Variants in ADRA1D observed in about 807,000 individuals in gnomAD.
The protein encoded by ADRA1D is adrenoceptor alpha 1D.
Under a neutral mutation model 18.6 loss-of-function variants are expected in ADRA1D, and 22 were observed. The ratio of observed to expected loss-of-function variants is 1.19; its 90% CI spans 0.85 to 1.69. The LOEUF (loss-of-function observed/expected upper bound fraction) is 1.69, where lower values mean the gene tolerates loss of function less well. Among genes scored for constraint, ADRA1D ranks in the 40% most tolerant of loss-of-function variants. The probability of loss-of-function intolerance (pLI) is 0.00; values close to 1 mark genes in which losing one functional copy is unlikely to be tolerated. For missense variants in ADRA1D, 840 were observed against 840.7 expected (o/e 1.00, Z 0.01); for synonymous variants, 376 against 388.2 (o/e 0.97, Z 0.37).
chr20:4,224,625 GCTGCAGGTGCCTGT>G (rs1478593062), intron 1 of ADRA1D, among the ~76,000 whole-genome samples: 8 of 146,772 alleles, frequency 5.5e-5, no homozygotes, highest in Non-Finnish European at 8.8e-5. Context: ...CTGGATAGAG[GCTGCAGGTGCCTGT>G]GAGACCAAGC....
Position 4,248,381 on chromosome 20 carries a change from C to T in ADRA1D, c.577G>A (p.Asp193Asn), listed in dbSNP as rs1177528594. 6.2e-7 allele frequency: 1 copy of T among 1,609,540 alleles called. No individual in the cohort carries two copies. The highest frequency in any genetic ancestry group is 8.5e-7 in the Non-Finnish European group (1 of 1,178,094). Residue 193 changes from aspartate to asparagine, a missense_variant, in exon 1 of 2, where the codon GAC becomes AAC. Transcript: ENST00000379453. ...GAGTGGCGCACGCCCACGTACCGGTCCACGGAGATGGTGCAGAGGCTGAGG... is the reference window on the plus strand; with the variant it reads ...GAGTGGCGCACGCCCACGTACCGGTTCACGGAGATGGTGCAGAGGCTGAGG... ...SILSLCTISVDRYVGVRHSLK... is the reference protein window; with the variant it reads ...SILSLCTISVNRYVGVRHSLK...
At chr20:4,243,935 T>A (rs1981276114) in intron 1 of ADRA1D, among the ~76,000 whole-genome samples, 1 of 152,206 alleles carries the variant, frequency 6.6e-6, no homozygotes, top group South Asian at 2.1e-4. Context: ...TGGGATTCTC[T>A]GGATTTTAGG....
In ADRA1D at chr20:4,221,628, C is replaced by T. The variant is rs757188414; in HGVS notation, c.1614G>A (p.Glu538=). 3.2e-5 allele frequency: 51 copies of T among 1,613,190 alleles called. No homozygotes were observed. The Middle Eastern group carries it at 5.0e-4, about 16-fold the overall frequency. ...GGACGCCTAGGGACACAGCCTCCAC[C>T]TCTGAGCGCTGGGCGCACGCTGCCT... ...RAEAACAQRS[E]VEAVSLGVPH... Residue 538 remains glutamate (E), a synonymous_variant, in exon 2 of 2, where the codon GAG becomes GAA. Transcript: ENST00000379453.
Position 4,238,969 on chromosome 20 carries a change from G to A in ADRA1D, c.1111+8878C>T, listed in dbSNP as rs184434242. On this transcript the variant is annotated intron_variant, in intron 1 of 1. Transcript: ENST00000379453. ...ACAAGGTGAGGGCAGGGAGGTGAAG[G>A]CTTGGTCAAGGCTGGGGTTGATGAG... Among the ~76,000 whole-genome samples, 165 of 152,144 alleles carry A rather than the reference G, an allele frequency of 1.1e-3. 1 individual carries two copies. Among genetic ancestry groups the A allele is most frequent in the African/African-American group, 3.8e-3 (158 of 41,504 alleles).
Position 4,248,978 on chromosome 20 carries a change from G to A in ADRA1D, c.-21C>T, listed in dbSNP as rs1445864376. 7.5e-7 allele frequency: 1 copy of A among 1,326,378 alleles called. No homozygotes were observed. The allele number at this position is 1,326,378 out of a possible 1,614,324, so 82.2% of individuals were successfully genotyped here. Reference sequence around the variant, plus strand: ...GTCATCTCAACGCGCGGCCGTCGGTGGCCGGGCCGGGGCACAGAACGAGCG... The same window carrying A: ...GTCATCTCAACGCGCGGCCGTCGGTAGCCGGGCCGGGGCACAGAACGAGCG... On this transcript the variant is annotated 5_prime_UTR_variant, in exon 1 of 2. Transcript: ENST00000379453.
intron 1 of ADRA1D, 57 bp downstream of exon 1, chr20:4,247,790 G>A: frequency 7.7e-6 from 11 of 1,429,418 alleles, no homozygotes; most frequent in Non-Finnish European, 1.0e-5. Context: ...GTGCCAGGAG[G>A]GCACCGCCAT....
At chr20:4,246,445 G>T (rs914782318) in intron 1 of ADRA1D, among the ~76,000 whole-genome samples, 9 of 152,224 alleles carry the variant, frequency 5.9e-5, no homozygotes, top group African/African-American at 2.2e-4. Context: ...GGACAGCGAA[G>T]TCGGAGAGAA....
chr20:4,228,366 A>G (rs1488822405), intron 1 of ADRA1D, among the ~76,000 whole-genome samples: 1 of 152,196 alleles, frequency 6.6e-6, no homozygotes, highest in Non-Finnish European at 1.5e-5. Context: ...TCTTTACTGC[A>G]TCGCAGGTAG....
intron 1 of ADRA1D, among the ~76,000 whole-genome samples, chr20:4,237,830 A>T (rs1421866496): frequency 7.4e-6 from 1 of 135,584 alleles, no homozygotes; most frequent in Non-Finnish European, 1.6e-5. Context: ...TTCCTGGCTA[A>T]TTTTTGTATT....
At chr20:4,241,696 C>T (rs547236862) in intron 1 of ADRA1D, among the ~76,000 whole-genome samples, 1 of 152,270 alleles carries the variant, frequency 6.6e-6, no homozygotes, top group Admixed American at 6.5e-5. Context: ...CTTGCCTCTC[C>T]CCTTCATCCA....
In ADRA1D at chr20:4,220,743, G is replaced by C. The variant is rs1980638730; in HGVS notation, c.*780C>G. The C allele has an allele frequency of 6.6e-6, 1 of 152,506 alleles. No individual in the cohort carries two copies. The highest frequency in any genetic ancestry group is 1.5e-5 in the Non-Finnish European group (1 of 68,042). 9.4% of individuals were successfully genotyped at this position (152,506 alleles called of 1,614,324 possible). A position where few individuals can be genotyped will look rare whatever the true frequency, so the allele number is the denominator to read the frequency against. On this transcript the variant is annotated 3_prime_UTR_variant, in exon 2 of 2. Transcript: ENST00000379453. Reference sequence around the variant, plus strand: ...GGGCTAAAGAGGGACAGTTTGCACAGCTTGGACAAAATAGAAGTACTCTTA... The same window carrying C: ...GGGCTAAAGAGGGACAGTTTGCACACCTTGGACAAAATAGAAGTACTCTTA...
In ADRA1D at chr20:4,222,053, C is replaced by T. The variant is rs761832897; in HGVS notation, c.1189G>A (p.Val397Met). ...GAACAGGGGTAGATGAGCGGGTTCA[C>T]GCAGCTGTTGAAGTAGCCGAGCCAG... ...IFWLGYFNSC[V>M]NPLIYPCSSR... Residue 397 changes from valine (V) to methionine (M), a missense_variant, in exon 2 of 2, where the codon GTG becomes ATG. Physicochemically the swap from Val to Met is conservative, Grantham distance 21. Coordinates refer to ENST00000379453, the MANE Select transcript of ADRA1D (RefSeq NM_000678.4). This position sits in a 1 kb window ranked among gnomAD's most constrained non-coding sequence, Gnocchi z 4.3. 1.9e-5 allele frequency: 30 copies of T among 1,612,154 alleles called. No homozygotes were observed. Among genetic ancestry groups the T allele is most frequent in the Non-Finnish European group, 2.3e-5 (27 of 1,179,260 alleles).
intron 1 of ADRA1D, among the ~76,000 whole-genome samples, chr20:4,228,394 G>A (rs2122659411): frequency 6.6e-6 from 1 of 152,286 alleles, no homozygotes; most frequent in Non-Finnish European, 1.5e-5. Flanking sequence ...TGGAAGTGTT[G>A]ATCAAGGTGG....
chr20:4,223,081 C>T (rs1301099755), intron 1 of ADRA1D, among the ~76,000 whole-genome samples: 1 of 150,778 alleles, frequency 6.6e-6, no homozygotes, highest in African/African-American at 2.5e-5. Context: ...CATTAGAATG[C>T]ACCACTAGAT....
At chr20:4,233,850 G>A (rs185741604) in intron 1 of ADRA1D, among the ~76,000 whole-genome samples, 15 of 152,282 alleles carry the variant, frequency 9.9e-5, no homozygotes, top group East Asian at 9.7e-4. Flanking sequence ...CAGTAAGGAC[G>A]CAGGGAGGAG....
chr20:4,248,058 G>C lies in ADRA1D; in HGVS notation c.900C>G (p.Ser300=), dbSNP rs754705701. 2.3e-5 allele frequency: 36 copies of C among 1,550,354 alleles called. 1 individual carries two copies. In the South Asian group the frequency reaches 4.3e-4, roughly 18 times the overall value. ...GACAGTGGATGCGCAGCACCACCTC[G>C]GAGGCCTTGCCTCGCTCGCGCTTGA... ...AGVKRERGKA[S]EVVLRIHCRG... Residue 300 remains serine, a synonymous_variant, in exon 1 of 2, where the codon TCC becomes TCG. Transcript: ENST00000379453.
Position 4,248,148 on chromosome 20 carries a change from G to T in ADRA1D, c.810C>A (p.Ile270=). The T allele has an allele frequency of 1.9e-6, 3 of 1,576,902 alleles. No individual in the cohort carries two copies. Among genetic ancestry groups the T allele is most frequent in the Non-Finnish European group, 2.6e-6 (3 of 1,161,298 alleles). ...CGTACACGCGGCAGTACATGACCAC[G>T]ATGACCGCCATGGGCAGGTAGAAGG... ...VCSFYLPMAV[I]VVMYCRVYVV... Residue 270 remains isoleucine (I), a synonymous_variant, in exon 1 of 2, where the codon ATC becomes ATA. Transcript: ENST00000379453.
chr20:4,226,987 T>C (rs1980815432), intron 1 of ADRA1D, among the ~76,000 whole-genome samples: 1 of 152,144 alleles, frequency 6.6e-6, no homozygotes, highest in African/African-American at 2.4e-5. Context: ...CAGCATTCTC[T>C]CATGGGCCCA....
At chr20:4,225,158 T>C (rs960452651) in intron 1 of ADRA1D, among the ~76,000 whole-genome samples, 5 of 151,754 alleles carry the variant, frequency 3.3e-5, no homozygotes, top group Non-Finnish European at 5.9e-5. Flanking sequence ...CGCACCACCA[T>C]GCCCAGCTAA....
Sources: allele counts gnomAD v4.1 joint callset (sites outside exome capture counted in the v4.1 genomes callset), GRCh38; gene constraint gnomAD v4.1.1; non-coding constraint Gnocchi (gnomAD v3.1); transcripts MANE v1.5; gene names NCBI Gene and HGNC (gene_info 2026-07-23, HGNC 2026-07-21).